SPTBN5: variants seen among roughly 807,000 people sequenced by gnomAD.
SPTBN5 encodes spectrin beta, non-erythrocytic 5.
SPTBN5 carries 513 observed loss-of-function variants against 477.6 expected under a neutral mutation model. The observed-to-expected ratio is 1.07, with a 90% CI of 1.00 to 1.16. SPTBN5 has a LOEUF of 1.16. Among genes scored for constraint, SPTBN5 ranks in the 50% most tolerant of loss-of-function variants. The pLI is 0.00. For synonymous variants in SPTBN5, 2,169 were observed against 2,011.7 expected, an observed-to-expected ratio of 1.08 and a Z score of -2.09; for missense variants, 5,062 against 4,731.8, an observed-to-expected ratio of 1.07 and a Z score of -2.05.
chr15:41,871,296 C>T (rs996287054), intron 29 of SPTBN5, 79 bp downstream of exon 29: 1 of 1,323,240 alleles, frequency 7.6e-7, no homozygotes. Context: ...AGCATGCCAT[C>T]CTCTCTTACC....
Position 41,880,198 on chromosome 15 carries a change from G to A in SPTBN5, c.2773C>T (p.Gln925Ter), listed in dbSNP as rs775199003. The change falls in exon 14 of 68, where the codon CAG (glutamine) becomes TAG (stop). Residue 925 changes from glutamine (Q) to a stop codon, truncating the protein, a stop_gained. Transcript: ENST00000320955. LOFTEE classifies it high-confidence loss of function. Reference sequence around the variant, plus strand: ...TGCATGACCTCCAGGGTGTCAGCCTGGGGCTGCACCCTTTGGAGCAGCACT... The same window carrying A: ...TGCATGACCTCCAGGGTGTCAGCCTAGGGCTGCACCCTTTGGAGCAGCACT... The part of the protein sequence containing the change: ...QTVLLQRVQP[Q>*]ADTLEVMQLK... The A allele has an allele frequency of 1.1e-5, 17 of 1,606,172 alleles. No homozygotes were observed.
intron 7 of SPTBN5, 131 bp downstream of exon 7, chr15:41,885,604 T>A: frequency 8.7e-7 from 1 of 1,148,286 alleles, no homozygotes; most frequent in Non-Finnish European, 1.2e-6. Context: ...TAGATCTTTG[T>A]AGAGGGATCC....
intron 39 of SPTBN5, 45 bp downstream of exon 39, chr15:41,865,762 CA>C: frequency 6.7e-7 from 1 of 1,492,260 alleles, no homozygotes; most frequent in Non-Finnish European, 9.1e-7. Flanking sequence ...GTTGGATTTT[CA>C]GTGCGGGATG....
intron 36 of SPTBN5, 147 bp from the exon 37 acceptor site, chr15:41,866,640 C>T (rs186880080): frequency 1.8e-5 from 18 of 1,015,620 alleles, no homozygotes; most frequent in African/African-American, 1.3e-4. Context: ...GTTCCAGCTC[C>T]GGAAGGTTGC....
At chr15:41,892,509 G>C (rs984303296) in intron 3 of SPTBN5, among the ~76,000 whole-genome samples, 1 of 152,216 alleles carries the variant, frequency 6.6e-6, no homozygotes, top group African/African-American at 2.4e-5. Context: ...TCTGGGCTCT[G>C]TTGGCTGGTT....
At position 41,856,912 on chromosome 15, in the gene SPTBN5, C is replaced by T. The variant is rs556691007; in HGVS notation, c.8749G>A (p.Ala2917Thr). ...AWVQEKLPLA[A>T]AQDYGQSLSA... ...AGGCTCTGGCCATAGTCCTGGGCAG[C>T]GGCCAGAGGCAGCTTCTCCTGCACC... Residue 2917 changes from alanine (A) to threonine (T), a missense_variant, in exon 52 of 68, where the codon GCT (alanine) becomes ACT (threonine). Ala to Thr is a moderately conservative substitution (Grantham distance 58). Transcript: ENST00000320955. 101 of 1,555,080 alleles carry T rather than the reference C, an allele frequency of 6.5e-5. No homozygotes were observed. Among genetic ancestry groups the T allele is most frequent in the Non-Finnish European group, 8.3e-5 (95 of 1,149,716 alleles).
At chr15:41,855,509 T>C in intron 54 of SPTBN5, 40 bp downstream of exon 54, 1 of 1,600,692 alleles carries the variant, frequency 6.2e-7, no homozygotes, top group Non-Finnish European at 8.5e-7. Flanking sequence ...TGTAGGGGGC[T>C]TCTCTCTGCT....
intron 17 of SPTBN5, among the ~76,000 whole-genome samples, chr15:41,877,936 A>G (rs1411298198): frequency 6.6e-6 from 1 of 152,098 alleles, no homozygotes; most frequent in Non-Finnish European, 1.5e-5. Flanking sequence ...GCGCCACCTT[A>G]CTAAGGAGGT....
Position 41,878,530 on chromosome 15 carries a change from C to G in SPTBN5, c.3282G>C (p.Arg1094=). 6.2e-7 allele frequency: 1 copy of G among 1,613,032 alleles called. No individual in the cohort carries two copies. The highest frequency in any genetic ancestry group is 2.2e-5 in the East Asian group (1 of 44,868). ...LKQVQEQVAQ[R]ARRQAETQAR... is the part of the protein sequence containing the mutation. ...CCTGAGTCTCAGCCTGGCGCCGGGC[C>G]CGTTGGGCCACTTGTTCCTGTACTT... The change falls in exon 17 of 68, where the codon CGG becomes CGC. Residue 1094 remains arginine (R), a synonymous_variant. Coordinates refer to ENST00000320955, the MANE Select transcript of SPTBN5 (RefSeq NM_016642.4).
intron 35 of SPTBN5, 62 bp downstream of exon 35, chr15:41,867,476 C>G (rs192768903): frequency 6.7e-7 from 1 of 1,498,234 alleles, no homozygotes; most frequent in African/African-American, 1.4e-5. Flanking sequence ...CCCGTGACCC[C>G]CTTCAGGACT....
chr15:41,889,943 GGA>G, intron 4 of SPTBN5, 144 bp downstream of exon 4: 2 of 611,332 alleles, frequency 3.3e-6, no homozygotes, highest in South Asian at 2.0e-5. Context: ...ACCCATGGTT[GGA>G]GAGTGAATAT....
At chr15:41,848,715 C>G (rs2065640546) in intron 67 of SPTBN5, 87 bp from the exon 68 acceptor site, 2 of 1,472,616 alleles carry the variant, frequency 1.4e-6, no homozygotes, top group Non-Finnish European at 1.9e-6. Context: ...CCTGCCCTCC[C>G]CTGGACCAGC....
chr15:41,854,851 G>GA lies in SPTBN5; in HGVS notation c.9548dup (p.Gln3184ProfsTer8). 3 of 1,608,600 alleles carry GA rather than the reference G, an allele frequency of 1.9e-6. No homozygotes were observed. The highest frequency in any genetic ancestry group is 2.5e-6 in the Non-Finnish European group (3 of 1,177,324). The stretch of plus-strand genomic sequence containing the variant: ...CCTCAATGCGGCTCCTCTGGGCTTG[G>GA]ATGTGGGGATAGCGCCTGGGTGCAC... On this transcript the variant is annotated frameshift_variant, in exon 56 of 68. Transcript: ENST00000320955. LOFTEE classifies it high-confidence loss of function.
chr15:41,881,868 G>C, intron 12 of SPTBN5, 68 bp downstream of exon 12: 1 of 1,420,074 alleles, frequency 7.0e-7, no homozygotes, highest in African/African-American at 1.5e-5. Context: ...TCCCATTTTT[G>C]TCCTCTGTGT....
rs755515503 is a variant in SPTBN5 at position 41,868,237 on chromosome 15, G to C, written c.6058-19C>G. 1.6e-5 allele frequency: 26 copies of C among 1,579,544 alleles called. No homozygotes were observed. Among genetic ancestry groups the C allele is most frequent in the Non-Finnish European group, 2.1e-5 (25 of 1,163,132 alleles). ...CCTGGACCTGGGGATGGACACATGAGGAGCCTCAGCTGGGGAGGGTGGTGT... is the reference window on the plus strand; with the variant it reads ...CCTGGACCTGGGGATGGACACATGACGAGCCTCAGCTGGGGAGGGTGGTGT... On this transcript the variant is annotated intron_variant, in intron 33 of 67. Coordinates refer to ENST00000320955, the MANE Select transcript of SPTBN5 (RefSeq NM_016642.4).
intron 39 of SPTBN5, among the ~76,000 whole-genome samples, chr15:41,865,429 TATA>T (rs2066266921): frequency 6.6e-6 from 1 of 152,224 alleles, no homozygotes; most frequent in Non-Finnish European, 1.5e-5. Context: ...CAGCATCCTA[TATA>T]ATGATAACAT....
chr15:41,849,888 G>A lies in SPTBN5; in HGVS notation c.10993C>T (p.Arg3665Trp), dbSNP rs776282773. The A allele has an allele frequency of 3.2e-6, 5 of 1,584,870 alleles. No homozygotes were observed. The highest frequency in any genetic ancestry group is 1.3e-5 in the African/African-American group (1 of 74,314). Residue 3665 changes from arginine to tryptophan, a missense_variant, in exon 67 of 68, where the codon CGG (arginine) becomes TGG (tryptophan). By Grantham distance (101) the Arg-to-Trp change is moderately radical. Coordinates refer to ENST00000320955, the MANE Select transcript of SPTBN5 (RefSeq NM_016642.4). ...TCCCACCTGAGTAGACATCCAGGCC[G>A]GGCATCCTTGGTCGTGCACTCATTC... ...SLNECTTKDARPGCLLRSDP is the reference protein window; with the variant it reads ...SLNECTTKDAWPGCLLRSDP
In SPTBN5 at chr15:41,876,883, G is replaced by C. The variant is rs1174971218; in HGVS notation, c.3777C>G (p.Thr1259=). 6.2e-7 allele frequency: 1 copy of C among 1,610,436 alleles called. No individual in the cohort carries two copies. Among genetic ancestry groups the C allele is most frequent in the African/African-American group, 1.3e-5 (1 of 74,858 alleles). The change falls in exon 19 of 68, where the codon ACC becomes ACG. Residue 1259 remains threonine, a synonymous_variant. Transcript: ENST00000320955. ...GCAGAGCCTCTGCCCGAGGCCCCAG[G>C]GTGCTCAGGAGCCGCCCAAACTCCC... ...QHREFGRLLS[T]LGPRAEALRA...
intron 49 of SPTBN5, among the ~76,000 whole-genome samples, chr15:41,858,195 GGCTGA>G (rs1401703721): frequency 3.3e-5 from 5 of 152,202 alleles, no homozygotes; most frequent in Admixed American, 1.3e-4. Flanking sequence ...CTACTTGGGA[GGCTGA>G]GCTGGGAAGA....
Sources: allele counts gnomAD v4.1 joint callset (sites outside exome capture counted in the v4.1 genomes callset), GRCh38; gene constraint gnomAD v4.1.1; transcripts MANE v1.5; gene names NCBI Gene and HGNC (gene_info 2026-07-23, HGNC 2026-07-21).